Variants in ZNF407 observed in about 807,000 individuals in gnomAD.
ZNF407 encodes the protein zinc finger protein 407.
In ZNF407, 17 loss-of-function variants were observed where a neutral mutation model predicts 131.2. The observed-to-expected ratio is 0.13, with a 90% confidence interval of 0.09 to 0.19. The LOEUF is 0.19. Ranked by LOEUF, ZNF407 falls within the 10% of genes least tolerant of loss-of-function variation. The pLI, the probability that ZNF407 is intolerant of heterozygous loss-of-function variation, is 1.00. For missense variants in ZNF407, 2,681 were observed against 2,830.6 expected (o/e 0.95, Z 1.20); for synonymous variants, 1,156 against 1,062.0 (o/e 1.09, Z -1.72).
At position 74,703,592 on chromosome 18, in the gene ZNF407, C is replaced by G. The variant is rs1967551635; in HGVS notation, c.4802+62470C>G. On this transcript the variant is annotated intron_variant, in intron 3 of 8. Transcript: ENST00000299687. This position sits in a 1 kb window ranked among gnomAD's most constrained non-coding sequence, Gnocchi z 4.1. ...GGTTTATCAGGCTGGTCTCGAACTC[C>G]TGACCTCAGGTGATCTGCCCTCCTC... is the stretch of plus-strand genomic sequence containing the variant. Among the ~76,000 whole-genome samples the G allele has an allele frequency of 6.6e-6, 1 of 152,172 alleles. No individual in the cohort carries two copies. Among genetic ancestry groups the G allele is most frequent in the Admixed American group, 6.5e-5 (1 of 15,276 alleles).
At chr18:74,759,082 C>T (rs1255703846) in intron 3 of ZNF407, among the ~76,000 whole-genome samples, 2 of 151,862 alleles carry the variant, frequency 1.3e-5, no homozygotes, top group African/African-American at 2.4e-5. Flanking sequence ...TTCATATCTC[C>T]TTTGTTTTCA....
intron 8 of ZNF407, among the ~76,000 whole-genome samples, chr18:75,046,761 GAA>G (rs200235041): frequency 9.8e-5 from 11 of 112,668 alleles, no homozygotes; most frequent in South Asian, 5.7e-4. Context: ...TGAAGACAAT[GAA>G]AAAAAAAAAA....
chr18:74,955,817 A>G (rs1304646262), intron 8 of ZNF407, among the ~76,000 whole-genome samples: 1 of 152,188 alleles, frequency 6.6e-6, no homozygotes, highest in East Asian at 1.9e-4. Context: ...GGACTTCATC[A>G]GGCTCGGCCA....
At chr18:74,763,812 C>T (rs1969161884) in intron 3 of ZNF407, among the ~76,000 whole-genome samples, 1 of 150,290 alleles carries the variant, frequency 6.7e-6, no homozygotes, top group South Asian at 2.1e-4. Context: ...CGGGTTCACG[C>T]CATTCTCCTG....
At chr18:74,626,323 C>T (rs553313082) in intron 1 of ZNF407, among the ~76,000 whole-genome samples, 7 of 152,188 alleles carry the variant, frequency 4.6e-5, no homozygotes, top group Admixed American at 1.3e-4. Flanking sequence ...TAAAGTTGGA[C>T]GTCCATCTGC....
intron 1 of ZNF407, among the ~76,000 whole-genome samples, chr18:74,623,684 G>C (rs532916201): frequency 3.3e-5 from 5 of 152,138 alleles, no homozygotes; most frequent in Admixed American, 2.0e-4. Context: ...TTCTCAAAAA[G>C]TATTTTAATT....
chr18:74,758,173 T>C (rs1198578783), intron 3 of ZNF407, among the ~76,000 whole-genome samples: 3 of 152,168 alleles, frequency 2.0e-5, no homozygotes, highest in Non-Finnish European at 2.9e-5. Flanking sequence ...ACACGTGCTA[T>C]TTTGTGTTTT....
At chr18:74,606,564 T>A in intron 1 of ZNF407, among the ~76,000 whole-genome samples, 1 of 152,242 alleles carries the variant, frequency 6.6e-6, no homozygotes, top group Middle Eastern at 3.4e-3. Flanking sequence ...ATGTAAAAAT[T>A]CTTTGATTTT....
intron 3 of ZNF407, among the ~76,000 whole-genome samples, chr18:74,654,798 T>G (rs1341019223): frequency 6.6e-6 from 1 of 151,824 alleles, no homozygotes. Flanking sequence ...AGAAACATAT[T>G]AAACATTTGC....
At chr18:75,054,441 C>T (rs1340193164) in intron 8 of ZNF407, among the ~76,000 whole-genome samples, 1 of 152,180 alleles carries the variant, frequency 6.6e-6, no homozygotes, top group African/African-American at 2.4e-5. Context: ...GAAATATAAA[C>T]ATGACTACAA....
chr18:75,017,363 T>C (rs941187544), intron 8 of ZNF407, among the ~76,000 whole-genome samples: 1 of 152,136 alleles, frequency 6.6e-6, no homozygotes, highest in Admixed American at 6.6e-5. Flanking sequence ...TAATAATATA[T>C]GTCAGCTTAA....
chr18:74,831,928 T>C (rs1169789563), intron 4 of ZNF407, among the ~76,000 whole-genome samples: 1 of 152,228 alleles, frequency 6.6e-6, no homozygotes, highest in Non-Finnish European at 1.5e-5. Context: ...CCACCTGCCC[T>C]GATCCTGTCA....
chr18:74,899,124 T>C (rs759373616), intron 7 of ZNF407, among the ~76,000 whole-genome samples: 3 of 152,204 alleles, frequency 2.0e-5, no homozygotes, highest in African/African-American at 2.4e-5. Context: ...GATGATCTGT[T>C]TCCCTCCAAA....
chr18:74,658,456 A>G (rs1035176335), intron 3 of ZNF407, among the ~76,000 whole-genome samples: 5 of 151,986 alleles, frequency 3.3e-5, no homozygotes, highest in East Asian at 1.9e-4. Flanking sequence ...GATGTCATAT[A>G]TTTTCCTAAC....
chr18:74,798,568 TAAC>T (rs1969964821), intron 4 of ZNF407, among the ~76,000 whole-genome samples: 2 of 152,174 alleles, frequency 1.3e-5, no homozygotes, highest in Admixed American at 6.5e-5. Context: ...ATAAAACTCT[TAAC>T]AAACGCTGCT....
At chr18:74,925,670 ATT>A (rs1971904314) in intron 8 of ZNF407, among the ~76,000 whole-genome samples, 1 of 152,176 alleles carries the variant, frequency 6.6e-6, no homozygotes, top group Non-Finnish European at 1.5e-5. Context: ...ATGTCATGAC[ATT>A]TTGTACAACA....
At chr18:74,680,476 C>T (rs1209260307) in intron 3 of ZNF407, among the ~76,000 whole-genome samples, 2 of 151,570 alleles carry the variant, frequency 1.3e-5, no homozygotes, top group Non-Finnish European at 2.9e-5. Flanking sequence ...CTAAAGTCAC[C>T]GAGGATGTCT....
chr18:74,939,884 C>T (rs940706291), intron 8 of ZNF407, among the ~76,000 whole-genome samples: 2 of 152,078 alleles, frequency 1.3e-5, no homozygotes, highest in Admixed American at 1.3e-4. Context: ...TGAGATAAAC[C>T]CAATTTTGAA....
chr18:74,860,885 AT>A (rs1568244937), intron 4 of ZNF407, among the ~76,000 whole-genome samples: 2 of 152,106 alleles, frequency 1.3e-5, no homozygotes, highest in Non-Finnish European at 2.9e-5. Flanking sequence ...TATTACCATT[AT>A]GTTTTGTGTG....
Sources: allele counts gnomAD v4.1 joint callset (sites outside exome capture counted in the v4.1 genomes callset), GRCh38; gene constraint gnomAD v4.1.1; non-coding constraint Gnocchi (gnomAD v3.1); transcripts MANE v1.5; gene names NCBI Gene and HGNC (gene_info 2026-07-23, HGNC 2026-07-21).